The following CRIM1 variants were observed in gnomAD, a reference collection of about 807,000 sequenced individuals.
CRIM1 encodes cysteine rich transmembrane BMP regulator 1, also known as cysteine-rich motor neuron 1 protein.
Under a neutral mutation model 116.4 loss-of-function variants are expected in CRIM1, and 32 were observed. That is an observed-to-expected ratio of 0.27 (90% confidence interval 0.21 to 0.37). The LOEUF is 0.37. Among genes scored for constraint, CRIM1 ranks in the 10% least tolerant of loss-of-function variants. CRIM1 has a pLI of 1.00. For missense variants in CRIM1, 1,331 were observed against 1,354.8 expected (o/e 0.98, Z 0.28); for synonymous variants, 590 against 509.2 (o/e 1.16, Z -2.13).
At position 36,493,659 on chromosome 2, in the gene CRIM1, ATAAT is replaced by A. The variant is rs968974004; in HGVS notation, c.1373-5555_1373-5552del. On this transcript the variant is annotated intron_variant, in intron 7 of 16. Transcript: ENST00000280527. The stretch of plus-strand genomic sequence containing the variant: ...GTGCTTCACACATTTCTCAAAGGAG[ATAAT>A]TAATATTATTTCTGAGGGAGAACCA... Among the ~76,000 whole-genome samples the A allele has an allele frequency of 5.9e-5, 9 of 152,274 alleles. No homozygotes were observed. In the South Asian group the frequency reaches 1.9e-3, roughly 32 times the overall value.
intron 7 of CRIM1, among the ~76,000 whole-genome samples, chr2:36,496,445 T>G (rs558235950): frequency 1.3e-5 from 2 of 152,208 alleles, no homozygotes; most frequent in Non-Finnish European, 2.9e-5. Flanking sequence ...TCCCTGTTTC[T>G]TTCATCTAAT....
At chr2:36,494,400 A>C (rs1210927585) in intron 7 of CRIM1, among the ~76,000 whole-genome samples, 1 of 152,216 alleles carries the variant, frequency 6.6e-6, no homozygotes, top group Non-Finnish European at 1.5e-5. Context: ...TGAAAGAAGT[A>C]ACCCTAAATT....
At chr2:36,362,255 T>C (rs1669273741) in intron 1 of CRIM1, among the ~76,000 whole-genome samples, 1 of 152,110 alleles carries the variant, frequency 6.6e-6, no homozygotes, top group Non-Finnish European at 1.5e-5. Context: ...TGGATAAAAT[T>C]AGTTGTAGGA....
At chr2:36,484,501 C>T (rs934524991) in intron 7 of CRIM1, among the ~76,000 whole-genome samples, 4 of 152,124 alleles carry the variant, frequency 2.6e-5, no homozygotes, top group African/African-American at 7.2e-5. Flanking sequence ...TATAACATCC[C>T]CGTGATTACT....
intron 2 of CRIM1, among the ~76,000 whole-genome samples, chr2:36,428,322 A>G (rs68111949): frequency 0.34 from 52,397 of 152,068 alleles, 9,327 homozygotes; most frequent in South Asian, 0.51. Flanking sequence ...TCTGATTAAG[A>G]CAACTTTTCT....
chr2:36,488,586 T>G (rs910017709), intron 7 of CRIM1, among the ~76,000 whole-genome samples: 2 of 152,232 alleles, frequency 1.3e-5, no homozygotes, highest in African/African-American at 4.8e-5. Context: ...TTTATAAATA[T>G]TTTGAGTTTA....
chr2:36,433,332 C>T (rs1337419663), intron 2 of CRIM1, among the ~76,000 whole-genome samples: 2 of 152,134 alleles, frequency 1.3e-5, no homozygotes, highest in African/African-American at 4.8e-5. Flanking sequence ...TCCATAACAT[C>T]GTTTGGGAAG....
chr2:36,528,971 A>G (rs1016273934), intron 13 of CRIM1, among the ~76,000 whole-genome samples: 8 of 152,122 alleles, frequency 5.3e-5, no homozygotes, highest in African/African-American at 1.9e-4. Context: ...GGCTGTGTAA[A>G]CAGAAATTCA....
chr2:36,471,744 C>CACAA (rs1678534645), intron 5 of CRIM1, among the ~76,000 whole-genome samples: 1 of 148,040 alleles, frequency 6.8e-6, no homozygotes, highest in Non-Finnish European at 1.5e-5. Flanking sequence ...CACACACACA[C>CACAA]ACACACACAC....
intron 1 of CRIM1, among the ~76,000 whole-genome samples, chr2:36,364,382 G>T (rs1669450445): frequency 6.6e-6 from 1 of 152,164 alleles, no homozygotes; most frequent in African/African-American, 2.4e-5. Context: ...ATAAGATATG[G>T]TCCTTGTTTT....
chr2:36,488,837 A>G (rs1406018071), intron 7 of CRIM1, among the ~76,000 whole-genome samples: 2 of 152,162 alleles, frequency 1.3e-5, no homozygotes, highest in South Asian at 2.1e-4. Flanking sequence ...GTGAAACACA[A>G]CTAAGAATCC....
chr2:36,370,829 C>T (rs913374378), intron 1 of CRIM1, among the ~76,000 whole-genome samples: 2 of 152,152 alleles, frequency 1.3e-5, no homozygotes, highest in African/African-American at 4.8e-5. Context: ...GTTATTCCCC[C>T]TCTACTTCTA....
chr2:36,527,366 T>G (rs978553307), intron 13 of CRIM1, among the ~76,000 whole-genome samples: 1 of 149,424 alleles, frequency 6.7e-6, no homozygotes, highest in African/African-American at 2.6e-5. Context: ...ACAGGTTGTA[T>G]TAATACCTCT....
At chr2:36,404,053 A>G (rs1205455662) in intron 2 of CRIM1, among the ~76,000 whole-genome samples, 2 of 152,116 alleles carry the variant, frequency 1.3e-5, no homozygotes, top group African/African-American at 4.8e-5. Context: ...GTGACTGGCA[A>G]TGTTAACACA....
intron 8 of CRIM1, among the ~76,000 whole-genome samples, chr2:36,502,528 C>CT: frequency 6.6e-6 from 1 of 152,020 alleles, no homozygotes; most frequent in Non-Finnish European, 1.5e-5. Flanking sequence ...TCCTTCCTTC[C>CT]TTTTTTCACC....
chr2:36,367,786 A>G (rs971432505), intron 1 of CRIM1, among the ~76,000 whole-genome samples: 3 of 152,230 alleles, frequency 2.0e-5, no homozygotes, highest in African/African-American at 7.2e-5. Context: ...TTGGGAAGTT[A>G]GTGACAGCTT....
At chr2:36,400,375 A>G (rs1296076367) in intron 2 of CRIM1, among the ~76,000 whole-genome samples, 2 of 152,120 alleles carry the variant, frequency 1.3e-5, no homozygotes, top group Non-Finnish European at 2.9e-5. Flanking sequence ...GGGAGGTCAG[A>G]TAGGTGAGTC....
chr2:36,457,039 C>T (rs946771863), intron 4 of CRIM1, among the ~76,000 whole-genome samples: 3 of 152,158 alleles, frequency 2.0e-5, no homozygotes, highest in African/African-American at 4.8e-5. Context: ...CTTCCGGAGC[C>T]ACATGCCAGC....
intron 1 of CRIM1, among the ~76,000 whole-genome samples, chr2:36,377,714 A>G (rs1670430312): frequency 6.6e-6 from 1 of 152,246 alleles, no homozygotes; most frequent in African/African-American, 2.4e-5. Flanking sequence ...TGGTTTATAC[A>G]TAGCACATAC....
Sources: gnomAD v4.1 joint callset for allele counts (sites outside exome capture counted in the v4.1 genomes callset) on GRCh38, gnomAD v4.1.1 for gene constraint, MANE v1.5 for transcripts, NCBI Gene and HGNC (gene_info 2026-07-23, HGNC 2026-07-21) for gene names.